Variants in CNTNAP2 observed in about 807,000 individuals in gnomAD.
The protein encoded by CNTNAP2 is contactin-associated protein-like 2.
In CNTNAP2, 98 loss-of-function variants were observed where a neutral mutation model predicts 155.2. The observed-to-expected ratio is 0.63, with a 90% CI of 0.54 to 0.75. The LOEUF (loss-of-function observed/expected upper bound fraction) is 0.75. CNTNAP2 is among the 30% of genes least tolerant of loss of function. The probability of loss-of-function intolerance (pLI) is 0.00; values close to 1 mark genes in which losing one functional copy is unlikely to be tolerated. For missense variants in CNTNAP2, 1,727 were observed against 1,688.1 expected (o/e 1.02, Z -0.40); for synonymous variants, 651 against 631.2 (o/e 1.03, Z -0.47).
rs1480893433 is a variant in CNTNAP2, at chr7:146,930,409, G to A, written c.402+90505G>A. Among the ~76,000 whole-genome samples, 6 of 152,126 alleles carry A rather than the reference G, an allele frequency of 3.9e-5. No homozygotes were observed. The South Asian group carries it at 6.2e-4, about 16-fold the overall frequency. Reference sequence around the variant, plus strand: ...ATGCTGAGAGATTTTGTCACCACCAGGCCTGCCCTAAAAGAGCTCCTGAAG... The same window carrying A: ...ATGCTGAGAGATTTTGTCACCACCAAGCCTGCCCTAAAAGAGCTCCTGAAG... On this transcript the variant is annotated intron_variant, in intron 3 of 23. Coordinates refer to ENST00000361727, the MANE Select transcript of CNTNAP2 (RefSeq NM_014141.6).
Position 147,389,964 on chromosome 7 carries a change from A to T in CNTNAP2, c.1499-5645A>T, listed in dbSNP as rs570666981. On this transcript the variant is annotated intron_variant, in intron 9 of 23. Transcript: ENST00000361727. ...CCCTCAAAATGCCAGCTGCAAATTT[A>T]TATTACCAAAAAATCCCACTGTTAA... Among the ~76,000 whole-genome samples the T allele has an allele frequency of 2.0e-5, 3 of 152,298 alleles. No homozygotes were observed. In the South Asian group the frequency reaches 6.2e-4, roughly 32 times the overall value.
At chr7:147,690,847 T>C (rs1182798614) in intron 13 of CNTNAP2, among the ~76,000 whole-genome samples, 1 of 151,992 alleles carries the variant, frequency 6.6e-6, no homozygotes, top group African/African-American at 2.4e-5. Flanking sequence ...ACTGTACAGA[T>C]GAAAAAATTA....
intron 1 of CNTNAP2, among the ~76,000 whole-genome samples, chr7:146,399,243 C>T (rs1795679605): frequency 6.6e-6 from 1 of 152,054 alleles, no homozygotes; most frequent in Non-Finnish European, 1.5e-5. Flanking sequence ...CTATAATTAC[C>T]ATGATATACA....
intron 10 of CNTNAP2, among the ~76,000 whole-genome samples, chr7:147,403,008 C>A (rs1796944754): frequency 6.8e-6 from 1 of 147,600 alleles, no homozygotes; most frequent in Non-Finnish European, 1.5e-5. Context: ...AACATCAACA[C>A]AGAGACCTTA....
At chr7:146,222,692 G>A (rs186361241) in intron 1 of CNTNAP2, among the ~76,000 whole-genome samples, 324 of 144,500 alleles carry the variant, frequency 2.2e-3, no homozygotes, top group Admixed American at 5.5e-3. Context: ...AGTCTCGCTT[G>A]TCGCCCAGGC....
intron 21 of CNTNAP2, among the ~76,000 whole-genome samples, 172 bp from the exon 22 acceptor site, chr7:148,383,477 C>T (rs1229833509): frequency 1.3e-5 from 2 of 152,142 alleles, no homozygotes; most frequent in East Asian, 3.8e-4. Context: ...CCTTTAAAGT[C>T]AAGTATGCAG....
intron 13 of CNTNAP2, among the ~76,000 whole-genome samples, chr7:147,668,103 A>G (rs1395221292): frequency 6.6e-6 from 1 of 152,120 alleles, no homozygotes; most frequent in Non-Finnish European, 1.5e-5. Flanking sequence ...GAAATTGACT[A>G]ATGAGGAGTT....
In CNTNAP2 at chr7:148,379,319, T is replaced by G. The variant is rs77640986; in HGVS notation, c.3476-4330T>G. Among the ~76,000 whole-genome samples the G allele has an allele frequency of 5.7e-4, 86 of 152,152 alleles. No homozygotes were observed. In the East Asian group the frequency reaches 0.015, roughly 26 times the overall value. On this transcript the variant is annotated intron_variant, in intron 21 of 23. Coordinates refer to ENST00000361727, the MANE Select transcript of CNTNAP2 (RefSeq NM_014141.6). ...AACCTAACAAAAATCATCTGGTGAA[T>G]AGATCCCATGGAATACACAAGAAGA...
intron 13 of CNTNAP2, among the ~76,000 whole-genome samples, chr7:147,832,859 A>G (rs1798575446): frequency 6.8e-6 from 1 of 147,982 alleles, no homozygotes; most frequent in Non-Finnish European, 1.5e-5. Context: ...ATATTTATAC[A>G]TATTTTATAT....
chr7:147,209,016 T>C (rs961061570), intron 8 of CNTNAP2, among the ~76,000 whole-genome samples: 1 of 152,150 alleles, frequency 6.6e-6, no homozygotes, highest in East Asian at 1.9e-4. Context: ...TGTTTGTTTT[T>C]ATGTATATTG....
intron 20 of CNTNAP2, among the ~76,000 whole-genome samples, chr7:148,245,802 C>CACAG (rs1796251723): frequency 6.6e-6 from 1 of 152,186 alleles, no homozygotes; most frequent in African/African-American, 2.4e-5. Flanking sequence ...CACACACACA[C>CACAG]TCAGTGCACA....
intron 21 of CNTNAP2, among the ~76,000 whole-genome samples, chr7:148,341,483 T>C (rs997224757): frequency 1.3e-5 from 2 of 152,172 alleles, no homozygotes; most frequent in Non-Finnish European, 2.9e-5. Context: ...CTATTAAGTA[T>C]TGATATTGTC....
chr7:147,669,162 T>C (rs1416289296), intron 13 of CNTNAP2, among the ~76,000 whole-genome samples: 2 of 152,098 alleles, frequency 1.3e-5, no homozygotes, highest in Non-Finnish European at 2.9e-5. Flanking sequence ...TTCTATGATG[T>C]CCATACAAAG....
intron 1 of CNTNAP2, among the ~76,000 whole-genome samples, chr7:146,207,333 A>T (rs1351560560): frequency 6.6e-6 from 1 of 152,022 alleles, no homozygotes; most frequent in Admixed American, 6.6e-5. Context: ...GTCTAAATCA[A>T]TTACTCTCTT....
intron 1 of CNTNAP2, among the ~76,000 whole-genome samples, chr7:146,697,542 A>G (rs997282715): frequency 3.9e-5 from 6 of 152,136 alleles, no homozygotes; most frequent in Non-Finnish European, 8.8e-5. Context: ...CTTGGCCCTT[A>G]TTTTAAATGC....
chr7:148,307,986 T>C (rs7787150), intron 21 of CNTNAP2, among the ~76,000 whole-genome samples: 46,767 of 151,970 alleles, frequency 0.31, 7,856 homozygotes, highest in East Asian at 0.49. Context: ...AAAAAGAATA[T>C]ACTAAACACT....
At chr7:147,785,540 C>T (rs541716036) in intron 13 of CNTNAP2, among the ~76,000 whole-genome samples, 8 of 152,128 alleles carry the variant, frequency 5.3e-5, no homozygotes, top group Admixed American at 1.3e-4. Context: ...GGTAAATAAG[C>T]GAACCAGCTA....
At chr7:146,720,996 TATAG>T (rs1563202946) in intron 1 of CNTNAP2, among the ~76,000 whole-genome samples, 138 of 101,984 alleles carry the variant, frequency 1.4e-3, no homozygotes, top group South Asian at 2.0e-3. Context: ...ACTGTATATA[TATAG>T]TCTATATATA....
At chr7:147,832,550 T>A (rs1798567360) in intron 13 of CNTNAP2, among the ~76,000 whole-genome samples, 1 of 141,616 alleles carries the variant, frequency 7.1e-6, no homozygotes, top group East Asian at 2.1e-4. Context: ...TTTCAATATA[T>A]TATATTGAAA....
Sources: gnomAD v4.1 joint callset for allele counts (sites outside exome capture counted in the v4.1 genomes callset) on GRCh38, gnomAD v4.1.1 for gene constraint, MANE v1.5 for transcripts, NCBI Gene and HGNC (gene_info 2026-07-23, HGNC 2026-07-21) for gene names.